The following PPM1B variants were observed in gnomAD, a reference collection of about 807,000 sequenced individuals.
PPM1B encodes protein phosphatase, Mg2+/Mn2+ dependent 1B, also known as protein phosphatase 1B.
Under a neutral mutation model 43.0 loss-of-function variants are expected in PPM1B, and 22 were observed. That is an observed-to-expected ratio of 0.51 (90% CI 0.37 to 0.73). The LOEUF (loss-of-function observed/expected upper bound fraction) is 0.73. PPM1B is among the 30% of genes least tolerant of loss of function. The pLI, the probability that PPM1B is intolerant of heterozygous loss-of-function variation, is 0.00. For missense variants in PPM1B, 632 were observed against 584.2 expected, an observed-to-expected ratio of 1.08 and a Z score of -0.84; for synonymous variants, 217 against 197.9, an observed-to-expected ratio of 1.10 and a Z score of -0.81.
At chr2:44,214,180 C>T (rs1669613352) in intron 3 of PPM1B, among the ~76,000 whole-genome samples, 1 of 152,136 alleles carries the variant, frequency 6.6e-6, no homozygotes. Context: ...CCCGGGTTCA[C>T]ACCATTCTTC....
chr2:44,232,464 G>T, downstream of PPM1B: 1 of 1,542,164 alleles, frequency 6.5e-7, no homozygotes, highest in Non-Finnish European at 8.7e-7. Context: ...TTTGTGATAT[G>T]AGCAGAAAAT....
At chr2:44,216,807 C>G (rs1025048067) in intron 3 of PPM1B, among the ~76,000 whole-genome samples, 2 of 151,820 alleles carry the variant, frequency 1.3e-5, no homozygotes, top group African/African-American at 4.8e-5. Context: ...TGCCTGTAAT[C>G]CCAGCTACTT....
chr2:44,225,091 T>C (rs1670153329), intron 5 of PPM1B, among the ~76,000 whole-genome samples: 1 of 152,246 alleles, frequency 6.6e-6, no homozygotes, highest in Non-Finnish European at 1.5e-5. Flanking sequence ...CTCTGAGCTT[T>C]AGTTTCATCA....
intron 1 of PPM1B, among the ~76,000 whole-genome samples, chr2:44,191,721 A>G (rs114552995): frequency 3.3e-3 from 500 of 152,274 alleles, no homozygotes; most frequent in African/African-American, 0.012. Flanking sequence ...TCTATAACCA[A>G]CAATTCTCCA....
chr2:44,169,452 G>A (rs923479212), intron 1 of PPM1B, among the ~76,000 whole-genome samples, 178 bp downstream of exon 1: 2 of 152,262 alleles, frequency 1.3e-5, no homozygotes, highest in Admixed American at 1.3e-4. Flanking sequence ...GCCGGGCCTG[G>A]CTCTCGGGTA....
chr2:44,209,605 G>A (rs1669361190), intron 3 of PPM1B, among the ~76,000 whole-genome samples: 1 of 151,968 alleles, frequency 6.6e-6, no homozygotes, highest in African/African-American at 2.4e-5. Context: ...GTGAAACCCC[G>A]TCTCTGCTAA....
chr2:44,192,449 C>G (rs1234989365), intron 1 of PPM1B, among the ~76,000 whole-genome samples: 5 of 152,132 alleles, frequency 3.3e-5, no homozygotes, highest in African/African-American at 4.8e-5. Flanking sequence ...CTCCTGACCT[C>G]AGGTGATTTG....
chr2:44,230,140 T>A, intron 5 of PPM1B: 1 of 1,448,794 alleles, frequency 6.9e-7, no homozygotes, highest in East Asian at 2.6e-5. Context: ...GCTGTTGAAT[T>A]ATAAAAGCTG....
chr2:44,172,363 G>A (rs1260872422), intron 1 of PPM1B, among the ~76,000 whole-genome samples: 1 of 152,204 alleles, frequency 6.6e-6, no homozygotes, highest in Non-Finnish European at 1.5e-5. Context: ...CTCAAACATT[G>A]ATGGTGAAAT....
chr2:44,225,911 C>T (rs1320340804), intron 5 of PPM1B, among the ~76,000 whole-genome samples: 1 of 151,956 alleles, frequency 6.6e-6, no homozygotes, highest in Non-Finnish European at 1.5e-5. Flanking sequence ...CTACCTCGGC[C>T]TCCAAAAGTA....
chr2:44,201,873 A>G lies in PPM1B; in HGVS notation c.674A>G (p.Glu225Gly). Residue 225 changes from glutamate to glycine, a missense_variant, in exon 2 of 6, where the codon GAG becomes GGG. This residue lies in a region of PPM1B where 40 missense variants were observed against 80.8 expected (regional missense o/e 0.50). Transcript: ENST00000282412. This position sits in a 1 kb window ranked among gnomAD's most constrained non-coding sequence, Gnocchi z 5.4. ...PTEQLVSPEP[E>G]VYEILRAEED... The stretch of plus-strand genomic sequence containing the variant: ...GAACAACTTGTTTCTCCAGAGCCTG[A>G]GGTTTATGAAATTTTAAGAGCAGAA... 6.2e-7 allele frequency: 1 copy of G among 1,614,186 alleles called. No homozygotes were observed. Among genetic ancestry groups the G allele is most frequent in the Non-Finnish European group, 8.5e-7 (1 of 1,180,024 alleles).
rs142004513 is a variant in PPM1B, at chr2:44,201,342, A to G, written c.143A>G (p.His48Arg). 9 of 1,614,042 alleles carry G rather than the reference A, an allele frequency of 5.6e-6. No individual in the cohort carries two copies. In the African/African-American group the frequency reaches 1.2e-4, roughly 22 times the overall value. ...CACACAGCTGTTGTAGGTATTCCTC[A>G]CGGCTTGGAAGACTGGTCATTTTTT... Reference protein sequence around the residue: ...DAHTAVVGIPHGLEDWSFFAV... With the variant: ...DAHTAVVGIPRGLEDWSFFAV... The change falls in exon 2 of 6, where the codon CAC becomes CGC. Residue 48 changes from histidine to arginine, a missense_variant. By Grantham distance (29) the His-to-Arg change is conservative. This residue lies in a region of PPM1B where 200 missense variants were observed against 200.7 expected (regional missense o/e 1.00). Transcript: ENST00000282412. The surrounding 1 kb of genome is among the most constrained non-coding windows in gnomAD (Gnocchi z 5.4).
intron 5 of PPM1B, among the ~76,000 whole-genome samples, chr2:44,243,139 A>G (rs1670785587): frequency 6.6e-6 from 1 of 152,200 alleles, no homozygotes; most frequent in African/African-American, 2.4e-5. Context: ...CTTTTCCTAC[A>G]GGCAGAATAA....
At chr2:44,232,656 T>C (rs1558434752), downstream of PPM1B, 6 of 1,167,686 alleles carry the variant, frequency 5.1e-6, no homozygotes, top group African/African-American at 1.6e-5. Flanking sequence ...CTGAGGTGCA[T>C]GGGAAATATA....
chr2:44,220,143 C>T (rs1295793053), intron 5 of PPM1B, among the ~76,000 whole-genome samples: 2 of 151,934 alleles, frequency 1.3e-5, no homozygotes. Context: ...GCATCCACTA[C>T]CTTGATTAGA....
chr2:44,173,699 T>C (rs373646862), intron 1 of PPM1B, among the ~76,000 whole-genome samples: 14 of 152,344 alleles, frequency 9.2e-5, no homozygotes, highest in African/African-American at 3.4e-4. Context: ...TCCCAGTACT[T>C]TGGGAGCCCG....
chr2:44,195,914 C>T (rs1420890179), intron 1 of PPM1B, among the ~76,000 whole-genome samples: 2 of 152,150 alleles, frequency 1.3e-5, no homozygotes, highest in African/African-American at 2.4e-5. Context: ...AGGCCACATA[C>T]AGAAGATACT....
chr2:44,193,799 G>A (rs1305216576), intron 1 of PPM1B, among the ~76,000 whole-genome samples: 4 of 151,916 alleles, frequency 2.6e-5, no homozygotes, highest in Non-Finnish European at 5.9e-5. Context: ...GGCTGGTCTC[G>A]AACTCCTGAC....
intron 5 of PPM1B, among the ~76,000 whole-genome samples, chr2:44,226,722 G>T (rs1670225807): frequency 7.2e-6 from 1 of 138,150 alleles, no homozygotes; most frequent in African/African-American, 2.7e-5. Flanking sequence ...TTAATAAAAT[G>T]GTAGGTTTTT....
Sources: gnomAD v4.1 joint callset for allele counts (sites outside exome capture counted in the v4.1 genomes callset) on GRCh38, gnomAD v4.1.1 for gene constraint, gnomAD v4.1.1 regional missense constraint, Gnocchi (gnomAD v3.1) non-coding constraint, MANE v1.5 for transcripts, NCBI Gene and HGNC (gene_info 2026-07-23, HGNC 2026-07-21) for gene names.